Variants in INSL6 observed in about 807,000 individuals in gnomAD.
INSL6 encodes insulin-like peptide INSL6.
Under a neutral mutation model 9.4 loss-of-function variants are expected in INSL6, and 16 were observed. That is an observed-to-expected ratio of 1.70 (90% CI 1.15 to 2.59). The LOEUF (loss-of-function observed/expected upper bound fraction) is 2.59, where lower values mean the gene tolerates loss of function less well. Among genes scored for constraint, INSL6 ranks in the 30% most tolerant of loss-of-function variants. INSL6 has a pLI of 0.00. For synonymous variants in INSL6, 154 were observed against 96.9 expected, an observed-to-expected ratio of 1.59 and a Z score of -3.46; for missense variants, 391 against 257.3, an observed-to-expected ratio of 1.52 and a Z score of -3.56.
the INSL6 span, chr9:5,098,523 G>A: frequency 6.6e-6 from 1 of 152,086 alleles, no homozygotes; most frequent in Non-Finnish European, 1.5e-5. Context: ...CCAAGAAATT[G>A]AGACTGTTTG....
the INSL6 span, among the ~76,000 whole-genome samples, chr9:5,001,752 T>G: frequency 6.6e-6 from 1 of 152,100 alleles, no homozygotes; most frequent in African/African-American, 2.4e-5. Flanking sequence ...GAATTGGTAC[T>G]ATTTTTTCCT....
the INSL6 span, among the ~76,000 whole-genome samples, chr9:5,090,149 C>G: frequency 6.6e-6 from 1 of 152,042 alleles, no homozygotes; most frequent in Non-Finnish European, 1.5e-5. Context: ...TTTTTGAATT[C>G]AATGTTTTTT....
the INSL6 span, chr9:5,085,500 G>A: frequency 1.4e-5 from 10 of 719,332 alleles, no homozygotes; most frequent in Admixed American, 3.6e-5. Context: ...CTTTTGACCC[G>A]AGCTGAAGAA....
the INSL6 span, among the ~76,000 whole-genome samples, chr9:5,052,442 A>T: frequency 6.6e-6 from 1 of 152,214 alleles, no homozygotes; most frequent in South Asian, 2.1e-4. Flanking sequence ...AATAGTGTAG[A>T]TATTAAACAT....
At chr9:5,035,077 A>G in the INSL6 span, among the ~76,000 whole-genome samples, 11 of 152,238 alleles carry the variant, frequency 7.2e-5, no homozygotes, top group Admixed American at 2.0e-4. Context: ...CAGAAATACA[A>G]ACTACCATCA....
At chr9:5,112,862 CGTG>C in the INSL6 span, 1 of 459,772 alleles carries the variant, frequency 2.2e-6, no homozygotes, top group East Asian at 4.8e-5. Context: ...GGTACGCCTC[CGTG>C]GGACGAGCCA....
chr9:5,060,637 A>G, the INSL6 span, among the ~76,000 whole-genome samples: 12 of 152,080 alleles, frequency 7.9e-5, no homozygotes, highest in African/African-American at 2.7e-4. Flanking sequence ...TGCTATTTCT[A>G]CCACATCCTA....
At chr9:5,053,685 A>G in the INSL6 span, among the ~76,000 whole-genome samples, 4 of 152,034 alleles carry the variant, frequency 2.6e-5, no homozygotes, top group African/African-American at 9.7e-5. Context: ...AAAAGAGGCC[A>G]GATAGGCTGT....
the INSL6 span, among the ~76,000 whole-genome samples, chr9:5,102,348 G>C: frequency 6.6e-6 from 1 of 152,122 alleles, no homozygotes; most frequent in Non-Finnish European, 1.5e-5. Flanking sequence ...AGAAAAAAGA[G>C]TAAAAAGCAA....
the INSL6 span, among the ~76,000 whole-genome samples, chr9:5,082,671 T>A: frequency 0.26 from 39,332 of 152,170 alleles, 5,400 homozygotes; most frequent in African/African-American, 0.35. Context: ...ACCTTGGACA[T>A]TACCCGGCTT....
chr9:5,009,889 G>A, the INSL6 span, among the ~76,000 whole-genome samples: 1 of 151,764 alleles, frequency 6.6e-6, no homozygotes, highest in Non-Finnish European at 1.5e-5. Context: ...TCCCATTTCA[G>A]CCTCCCAAGT....
At chr9:5,011,154 C>T in the INSL6 span, among the ~76,000 whole-genome samples, 2 of 152,084 alleles carry the variant, frequency 1.3e-5, no homozygotes, top group African/African-American at 4.8e-5. Flanking sequence ...TTTTTTTAAA[C>T]AAACTTGGAA....
At chr9:5,123,121 G>A (rs374744702), downstream of INSL6, 74 of 1,561,992 alleles carry the variant, frequency 4.7e-5, no homozygotes, top group Middle Eastern at 1.4e-3. Flanking sequence ...GTCCACCAGC[G>A]GTCAGTGTGC....
At chr9:5,033,743 C>G in the INSL6 span, among the ~76,000 whole-genome samples, 1 of 152,086 alleles carries the variant, frequency 6.6e-6, no homozygotes, top group Non-Finnish European at 1.5e-5. Flanking sequence ...GAAGGAAGCA[C>G]TAAACATAGA....
chr9:5,008,623 CT>C, the INSL6 span, among the ~76,000 whole-genome samples: 1 of 152,170 alleles, frequency 6.6e-6, no homozygotes, highest in East Asian at 1.9e-4. Context: ...GGTAAAAGCT[CT>C]GAGTAGACAG....
chr9:5,025,751 C>A, the INSL6 span, among the ~76,000 whole-genome samples: 1 of 152,120 alleles, frequency 6.6e-6, no homozygotes, highest in Non-Finnish European at 1.5e-5. Flanking sequence ...AAGCTTATCT[C>A]AAACTCCTGA....
At chr9:5,090,203 T>TAGAAGAG in the INSL6 span, among the ~76,000 whole-genome samples, 3 of 152,200 alleles carry the variant, frequency 2.0e-5, no homozygotes, top group Non-Finnish European at 4.4e-5. Context: ...CATCAGTTTA[T>TAGAAGAG]TTTGGTTTGC....
At chr9:5,140,800 C>T (rs1054261315) in intron 2 of INSL6, among the ~76,000 whole-genome samples, 9 of 151,868 alleles carry the variant, frequency 5.9e-5, no homozygotes, top group African/African-American at 1.9e-4. Flanking sequence ...GTTTGCTGTA[C>T]AGATTATTTT....
chr9:5,072,582 G>T, the INSL6 span: 2 of 1,609,922 alleles, frequency 1.2e-6, no homozygotes, highest in Non-Finnish European at 1.7e-6. Flanking sequence ...TGAAACAGAA[G>T]TTCTTTTAAA....
Sources: allele counts gnomAD v4.1 joint callset (sites outside exome capture counted in the v4.1 genomes callset), GRCh38; gene constraint gnomAD v4.1.1; transcripts MANE v1.5; gene names NCBI Gene and HGNC (gene_info 2026-07-23, HGNC 2026-07-21).